VIRMA: variants seen among roughly 807,000 people sequenced by gnomAD.
VIRMA encodes the protein vir like m6A methyltransferase associated, also known as protein virilizer homolog.
A neutral mutation model predicts 182.4 loss-of-function variants in VIRMA; 65 were observed. That is an observed-to-expected ratio of 0.36 (90% CI 0.29 to 0.44). The LOEUF is 0.44. VIRMA is among the 20% of genes least tolerant of loss of function. VIRMA has a pLI of 1.00. For synonymous variants in VIRMA, 709 were observed against 743.1 expected, an observed-to-expected ratio of 0.95 and a Z score of 0.75; for missense variants, 1,752 against 2,158.1, an observed-to-expected ratio of 0.81 and a Z score of 3.73.
At chr8:94,507,137 C>CTT (rs202183757) in intron 15 of VIRMA, among the ~76,000 whole-genome samples, 5 of 133,162 alleles carry the variant, frequency 3.8e-5, no homozygotes, top group African/African-American at 1.1e-4. Flanking sequence ...TAAAGTTTTT[C>CTT]TTTTTTTTTT....
At chr8:94,548,081 T>C (rs1471134226) in intron 1 of VIRMA, among the ~76,000 whole-genome samples, 1 of 148,996 alleles carries the variant, frequency 6.7e-6, no homozygotes, top group East Asian at 1.9e-4. Flanking sequence ...ACACAGCCAA[T>C]AAAAAAGGAT....
In VIRMA at chr8:94,526,472, T is replaced by C. The variant is rs1457230559; in HGVS notation, c.1772A>G (p.Asp591Gly). The C allele has an allele frequency of 6.2e-7, 1 of 1,613,900 alleles. No homozygotes were observed. Among genetic ancestry groups the C allele is most frequent in the Non-Finnish European group, 8.5e-7 (1 of 1,180,014 alleles). ...PNHSEPDHDT[D>G]AGLERTNPEY... is the part of the protein sequence containing the mutation. ...TGGGTTTGTTCTCTCAAGTCCAGCA[T>C]CTGTGTCGTGATCAGGTTCACTGTG... Residue 591 changes from aspartate to glycine, a missense_variant, in exon 8 of 24, where the codon GAT becomes GGT. This residue lies in a region of VIRMA where 401 missense variants were observed against 455.1 expected (regional missense o/e 0.88). Coordinates refer to ENST00000297591, the MANE Select transcript of VIRMA (RefSeq NM_015496.5).
intron 20 of VIRMA, among the ~76,000 whole-genome samples, chr8:94,493,666 T>G (rs759676165): frequency 2.2e-4 from 34 of 152,212 alleles, no homozygotes; most frequent in Non-Finnish European, 2.2e-4. Flanking sequence ...GAAATTAATT[T>G]TTAATGCACT....
intron 1 of VIRMA, 110 bp downstream of exon 1, chr8:94,553,275 G>A: frequency 2.7e-6 from 3 of 1,107,174 alleles, no homozygotes; most frequent in South Asian, 1.3e-5. Flanking sequence ...GTGTGTAAGC[G>A]AGAAATTAAA....
At chr8:94,520,539 T>C (rs947197212) in intron 8 of VIRMA, among the ~76,000 whole-genome samples, 1 of 151,988 alleles carries the variant, frequency 6.6e-6, no homozygotes, top group Non-Finnish European at 1.5e-5. Context: ...GTACTGACCA[T>C]GTACAGACTT....
At position 94,510,509 on chromosome 8, in the gene VIRMA, C is replaced by T. The variant is rs558913407; in HGVS notation, c.3534G>A (p.Arg1178=). 5 of 1,614,064 alleles carry T rather than the reference C, an allele frequency of 3.1e-6. No individual in the cohort carries two copies. In the South Asian group the frequency reaches 4.4e-5, roughly 14 times the overall value. The change falls in exon 14 of 24, where the codon CGG becomes CGA. Residue 1178 remains arginine, a synonymous_variant. Coordinates refer to ENST00000297591, the MANE Select transcript of VIRMA (RefSeq NM_015496.5). ...GGTCACACAATTGAACACAAATACG[C>T]CGTAACATATGTTGAATGGGCTGGC... ...TTCQPIQHML[R]RICVQLCDLA...
Position 94,506,685 on chromosome 8 carries a change from T to C in VIRMA, c.3912A>G (p.Glu1304=). The change falls in exon 16 of 24, where the codon GAA becomes GAG. Residue 1304 remains glutamate, a synonymous_variant. Transcript: ENST00000297591. Reference sequence around the variant, plus strand: ...GCTGCTCCAGTTCAGAAATAGAACCTTCAGAAGAGCTTGGTAAGATAAGTG... The same window carrying C: ...GCTGCTCCAGTTCAGAAATAGAACCCTCAGAAGAGCTTGGTAAGATAAGTG... The part of the protein sequence containing the change: ...DIALILPSSS[E]GSISELEQLS... 6.2e-7 allele frequency: 1 copy of C among 1,613,848 alleles called. No individual in the cohort carries two copies. Among genetic ancestry groups the C allele is most frequent in the Non-Finnish European group, 8.5e-7 (1 of 1,179,876 alleles).
chr8:94,536,731 G>A (rs1815358123), intron 4 of VIRMA, among the ~76,000 whole-genome samples: 1 of 152,184 alleles, frequency 6.6e-6, no homozygotes, highest in African/African-American at 2.4e-5. Context: ...TGTAATCCTA[G>A]CACTTTGGGA....
At chr8:94,513,634 C>G (rs1257719023) in intron 11 of VIRMA, among the ~76,000 whole-genome samples, 1 of 152,068 alleles carries the variant, frequency 6.6e-6, no homozygotes, top group Non-Finnish European at 1.5e-5. Flanking sequence ...AAAATCAACT[C>G]TTAACTACAG....
rs1194753473 is a variant in VIRMA at position 94,543,874 on chromosome 8, G to C, written c.132C>G (p.Pro44=). 2 of 1,612,640 alleles carry C rather than the reference G, an allele frequency of 1.2e-6. No homozygotes were observed. Among genetic ancestry groups the C allele is most frequent in the Non-Finnish European group, 1.7e-6 (2 of 1,179,098 alleles). Residue 44 remains proline (P), a synonymous_variant, in exon 2 of 24, where the codon CCC becomes CCG. Coordinates refer to ENST00000297591, the MANE Select transcript of VIRMA (RefSeq NM_015496.5). ...VVYINEVRVI[P]PGVRAHSSLP... is the part of the protein sequence containing the mutation. ...GACTGCTATGGGCTCTTACTCCTGG[G>C]GGTATGACTCGGACTTCATTGATAT... is the stretch of plus-strand genomic sequence containing the variant.
chr8:94,534,760 A>G, intron 5 of VIRMA, 79 bp downstream of exon 5: 1 of 1,529,108 alleles, frequency 6.5e-7, no homozygotes. Context: ...AAAAGGTAAA[A>G]GAGTGCTCTT....
intron 8 of VIRMA, among the ~76,000 whole-genome samples, chr8:94,524,268 G>A (rs971510309): frequency 1.1e-4 from 16 of 151,814 alleles, no homozygotes; most frequent in African/African-American, 3.9e-4. Context: ...CAAAGTGCTG[G>A]GATTATAGGC....
At chr8:94,491,157 T>C (rs13259566) in intron 22 of VIRMA, among the ~76,000 whole-genome samples, 1 of 120,942 alleles carries the variant, frequency 8.3e-6, no homozygotes, top group African/African-American at 3.9e-5. Context: ...CTACTAAAAA[T>C]ACAAAAATTA....
Position 94,529,251 on chromosome 8 carries a change from T to C in VIRMA, c.699A>G (p.Gln233=), listed in dbSNP as rs778188248. 3.7e-6 allele frequency: 6 copies of C among 1,607,620 alleles called. No homozygotes were observed. The highest frequency in any genetic ancestry group is 3.3e-5 in the South Asian group (3 of 90,976). The change falls in exon 7 of 24, where the codon CAA becomes CAG. Residue 233 remains glutamine, a synonymous_variant. Coordinates refer to ENST00000297591, the MANE Select transcript of VIRMA (RefSeq NM_015496.5). ...CTTCTACTTCTCCTTCATCAGAATATTGCCCTTCCTGGGGAACAGAATTCC... is the reference window on the plus strand; with the variant it reads ...CTTCTACTTCTCCTTCATCAGAATACTGCCCTTCCTGGGGAACAGAATTCC... ...PDRNSVPQEG[Q]YSDEGEVEEE...
intron 16 of VIRMA, among the ~76,000 whole-genome samples, chr8:94,506,091 G>A (rs1814143639): frequency 6.6e-6 from 1 of 151,982 alleles, no homozygotes; most frequent in Non-Finnish European, 1.5e-5. Flanking sequence ...TGTAGATTTT[G>A]GTATCCAATT....
intron 15 of VIRMA, among the ~76,000 whole-genome samples, chr8:94,507,280 A>T (rs10102090): frequency 2.6e-5 from 4 of 151,012 alleles, no homozygotes; most frequent in Admixed American, 2.6e-4. Context: ...GGATTATAGG[A>T]ATGCAGCACC....
intron 15 of VIRMA, among the ~76,000 whole-genome samples, chr8:94,507,941 A>ATATATG (rs1814226779): frequency 1.2e-5 from 1 of 81,226 alleles, no homozygotes; most frequent in Non-Finnish European, 2.8e-5. Context: ...ACATATGTGT[A>ATATATG]TATGTGTATA....
At position 94,515,835 on chromosome 8, in the gene VIRMA, C is replaced by T. The variant is rs187988370; in HGVS notation, c.2669-884G>A. ...AAATAGGGCTGGGCGTGGTGACTCA[C>T]GCCTGTAATACCAGCACTTTGGGAG... On this transcript the variant is annotated intron_variant, in intron 10 of 23. Transcript: ENST00000297591. Among the ~76,000 whole-genome samples, 734 of 151,944 alleles carry T rather than the reference C, an allele frequency of 4.8e-3. 5 individuals are homozygous for T. Among genetic ancestry groups the T allele is most frequent in the Admixed American group, 8.8e-3 (135 of 15,262 alleles).
rs768109183 is a variant in VIRMA at position 94,529,314 on chromosome 8, A to G, written c.636T>C (p.Pro212=). 4 of 1,611,664 alleles carry G rather than the reference A, an allele frequency of 2.5e-6. No homozygotes were observed. ...TGGGCTCAAAGTAATCTTCTCTATGAGGAGCATCCTCTTCCTTGTCACCAG... is the reference window on the plus strand; with the variant it reads ...TGGGCTCAAAGTAATCTTCTCTATGGGGAGCATCCTCTTCCTTGTCACCAG... The part of the protein sequence containing the change: ...PVSGDKEEDA[P]HREDYFEPIS... The change falls in exon 7 of 24, where the codon CCT becomes CCC. Residue 212 remains proline (P), a synonymous_variant. Transcript: ENST00000297591.
Sources: allele counts gnomAD v4.1 joint callset (sites outside exome capture counted in the v4.1 genomes callset), GRCh38; gene constraint gnomAD v4.1.1; regional missense constraint gnomAD v4.1.1; transcripts MANE v1.5; gene names NCBI Gene and HGNC (gene_info 2026-07-23, HGNC 2026-07-21).